Variants in PLXDC2 observed in about 807,000 individuals in gnomAD.
PLXDC2 encodes plexin domain-containing protein 2.
PLXDC2 carries 40 observed loss-of-function variants against 68.9 expected under a neutral mutation model. The ratio of observed to expected loss-of-function variants is 0.58; its 90% CI spans 0.45 to 0.76. The LOEUF (loss-of-function observed/expected upper bound fraction) is 0.76, where lower values mean the gene tolerates loss of function less well. PLXDC2 is among the 30% of genes least tolerant of loss of function. The pLI, the probability that PLXDC2 is intolerant of heterozygous loss-of-function variation, is 0.00. For synonymous variants in PLXDC2, 243 were observed against 234.2 expected, an observed-to-expected ratio of 1.04 and a Z score of -0.34; for missense variants, 644 against 661.9, an observed-to-expected ratio of 0.97 and a Z score of 0.30.
intron 1 of PLXDC2, among the ~76,000 whole-genome samples, chr10:19,887,239 G>A (rs915963371): frequency 3.3e-5 from 5 of 152,178 alleles, no homozygotes; most frequent in South Asian, 2.1e-4. Context: ...TTGGAAAATA[G>A]GCCAGGCACA....
chr10:20,210,881 C>T (rs1300574066), intron 9 of PLXDC2, among the ~76,000 whole-genome samples: 1 of 152,124 alleles, frequency 6.6e-6, no homozygotes, highest in East Asian at 1.9e-4. Flanking sequence ...GCTTGGTCTC[C>T]AGGGTTTTTA....
intron 3 of PLXDC2, among the ~76,000 whole-genome samples, chr10:20,057,164 A>G (rs762822685): frequency 1.4e-4 from 21 of 152,354 alleles, no homozygotes; most frequent in Admixed American, 2.6e-4. Context: ...TCCTAAAGTT[A>G]TTAAATGATA....
chr10:20,288,906 T>A lies in PLXDC2; in HGVS notation c.*9087T>A. On this transcript the variant is annotated 3_prime_UTR_variant, in exon 14 of 14. Coordinates refer to ENST00000377252, the MANE Select transcript of PLXDC2 (RefSeq NM_032812.9). ...CTGTGTTTTTGCTGTTGATTGCTAT[T>A]TTCAGAAGCAAACCATGTTTTTCAC... The A allele has an allele frequency of 6.6e-6, 1 of 152,120 alleles. No homozygotes were observed. The highest frequency in any genetic ancestry group is 1.5e-5 in the Non-Finnish European group (1 of 68,030). The allele number at this position is 152,120 out of a possible 1,614,324, so 9.4% of individuals were successfully genotyped here. A position where few individuals can be genotyped will look rare whatever the true frequency, so the allele number is the denominator to read the frequency against.
At chr10:20,237,029 G>T (rs2681938) in intron 12 of PLXDC2, among the ~76,000 whole-genome samples, 1 of 151,226 alleles carries the variant, frequency 6.6e-6, no homozygotes, top group Non-Finnish European at 1.5e-5. Flanking sequence ...TAGTCATCCT[G>T]TAAGATCTTC....
rs945092060 is a variant in PLXDC2, at chr10:20,001,873, T to C, written c.211T>C (p.Phe71Leu). ...YSHRWKRNLD[F>L]LKAVDTNRAS... Reference sequence around the variant, plus strand: ...CCACAGGTGGAAAAGAAACTTGGACTTTCTCAAGGCGGTAGACACGAACCG... The same window carrying C: ...CCACAGGTGGAAAAGAAACTTGGACCTTCTCAAGGCGGTAGACACGAACCG... The change falls in exon 2 of 14, where the codon TTT (phenylalanine) becomes CTT (leucine). Residue 71 changes from phenylalanine to leucine, a missense_variant. Around this residue, in one of 3 missense-constraint regions of PLXDC2, gnomAD observed 201 missense variants for 166.9 expected, o/e 1.20. Coordinates refer to ENST00000377252, the MANE Select transcript of PLXDC2 (RefSeq NM_032812.9). 1.9e-6 allele frequency: 3 copies of C among 1,614,026 alleles called. No homozygotes were observed. The highest frequency in any genetic ancestry group is 3.3e-4 in the Middle Eastern group (2 of 6,008).
At chr10:20,148,732 A>T (rs12217790) in intron 6 of PLXDC2, among the ~76,000 whole-genome samples, 93,845 of 151,952 alleles carry the variant, frequency 0.62, 29,366 homozygotes, top group Middle Eastern at 0.71. Flanking sequence ...CCCATAGGTT[A>T]ATGGGTATTT....
At chr10:20,206,239 A>T (rs1340276988) in intron 9 of PLXDC2, among the ~76,000 whole-genome samples, 1 of 152,164 alleles carries the variant, frequency 6.6e-6, no homozygotes, top group Non-Finnish European at 1.5e-5. Context: ...CCAAGCCAAA[A>T]TACTAACTCA....
chr10:19,858,110 C>T (rs1837248694), intron 1 of PLXDC2, among the ~76,000 whole-genome samples: 2 of 152,184 alleles, frequency 1.3e-5, no homozygotes, highest in South Asian at 4.2e-4. Context: ...AGGAACAGAA[C>T]CAGCAGTGGA....
chr10:20,067,763 T>C (rs1836237355), intron 3 of PLXDC2, among the ~76,000 whole-genome samples: 1 of 152,142 alleles, frequency 6.6e-6, no homozygotes, highest in Non-Finnish European at 1.5e-5. Context: ...TGCTTTTCAT[T>C]ATGGGATGTA....
chr10:19,828,592 A>C (rs1254255064), intron 1 of PLXDC2, among the ~76,000 whole-genome samples: 1 of 152,156 alleles, frequency 6.6e-6, no homozygotes, highest in Non-Finnish European at 1.5e-5. Flanking sequence ...TCTGTTGTTC[A>C]TTTCAGATAT....
chr10:19,894,449 T>G (rs2131362571), intron 1 of PLXDC2, among the ~76,000 whole-genome samples: 1 of 152,238 alleles, frequency 6.6e-6, no homozygotes, highest in African/African-American at 2.4e-5. Context: ...GGGACAAAAG[T>G]AGGTTGGAGG....
intron 2 of PLXDC2, chr10:20,043,476 A>T (rs1223030267): frequency 1.3e-5 from 2 of 152,180 alleles, no homozygotes; most frequent in Admixed American, 6.6e-5. Context: ...ACTCTTTCTT[A>T]ACTAATCACA....
chr10:19,947,637 T>G (rs371356261), intron 1 of PLXDC2, among the ~76,000 whole-genome samples: 72 of 152,298 alleles, frequency 4.7e-4, no homozygotes, highest in African/African-American at 1.6e-3. Flanking sequence ...CTAAAAATTC[T>G]GTAATACACC....
At chr10:20,189,502 T>TATATAC (rs1347881382) in intron 9 of PLXDC2, among the ~76,000 whole-genome samples, 2 of 123,022 alleles carry the variant, frequency 1.6e-5, no homozygotes, top group Non-Finnish European at 1.7e-5. Context: ...TATATATATA[T>TATATAC]ATACACATAC....
chr10:19,999,035 T>C (rs572014592), intron 1 of PLXDC2, among the ~76,000 whole-genome samples: 5 of 152,328 alleles, frequency 3.3e-5, no homozygotes, highest in Non-Finnish European at 7.4e-5. Flanking sequence ...TTCTAAGTTT[T>C]GGAGCTCCTT....
intron 1 of PLXDC2, among the ~76,000 whole-genome samples, chr10:19,988,398 T>A (rs1163812024): frequency 1.3e-5 from 2 of 152,180 alleles, no homozygotes; most frequent in East Asian, 3.9e-4. Context: ...ATATCTTACC[T>A]TCACTCTCAA....
chr10:20,288,456 C>T lies in PLXDC2; in HGVS notation c.*8637C>T, dbSNP rs1375233255. 6 of 151,942 alleles carry T rather than the reference C, an allele frequency of 3.9e-5. No individual in the cohort carries two copies. Among genetic ancestry groups the T allele is most frequent in the African/African-American group, 1.5e-4 (6 of 41,326 alleles). 9.4% of individuals were successfully genotyped at this position (151,942 alleles called of 1,614,324 possible). Reference sequence around the variant, plus strand: ...CTTCTGTTGAACGTACCTGAGCCTGCAAATGTAAAAATGATTGTATCTGAA... The same window carrying T: ...CTTCTGTTGAACGTACCTGAGCCTGTAAATGTAAAAATGATTGTATCTGAA... On this transcript the variant is annotated 3_prime_UTR_variant, in exon 14 of 14. Transcript: ENST00000377252.
intron 1 of PLXDC2, 23 bp from the exon 2 acceptor site, chr10:20,001,752 C>G: frequency 6.2e-7 from 1 of 1,607,496 alleles, no homozygotes. Flanking sequence ...AGTGGTAACC[C>G]ATTTTCTTTC....
intron 7 of PLXDC2, among the ~76,000 whole-genome samples, chr10:20,175,519 C>CA (rs1834514578): frequency 6.6e-6 from 1 of 151,774 alleles, no homozygotes; most frequent in Admixed American, 6.6e-5. Context: ...CTGTTTCTAC[C>CA]AAAAAAGTTT....
Sources: allele counts gnomAD v4.1 joint callset (sites outside exome capture counted in the v4.1 genomes callset), GRCh38; gene constraint gnomAD v4.1.1; regional missense constraint gnomAD v4.1.1; transcripts MANE v1.5; gene names NCBI Gene and HGNC (gene_info 2026-07-23, HGNC 2026-07-21).